The following TRHDE variants were observed in gnomAD, a reference collection of about 807,000 sequenced individuals.
TRHDE encodes the protein thyrotropin releasing hormone degrading enzyme.
Under a neutral mutation model 125.7 loss-of-function variants are expected in TRHDE, and 72 were observed. The observed-to-expected ratio is 0.57, with a 90% CI of 0.47 to 0.70. TRHDE has a LOEUF of 0.70. Ranked by LOEUF, TRHDE falls within the 30% of genes least tolerant of loss-of-function variation. The pLI is 0.00. For synonymous variants in TRHDE, 509 were observed against 509.1 expected (o/e 1.00, Z 0.00); for missense variants, 1,110 against 1,327.1 (o/e 0.84, Z 2.54).
chr12:72,360,029 A>T (rs1870997029), intron 2 of TRHDE, among the ~76,000 whole-genome samples: 1 of 151,690 alleles, frequency 6.6e-6, no homozygotes, highest in African/African-American at 2.4e-5. Context: ...AATAGTACGG[A>T]GACAATTGAT....
chr12:72,442,432 G>C (rs1307060992), intron 3 of TRHDE, among the ~76,000 whole-genome samples: 1 of 151,762 alleles, frequency 6.6e-6, no homozygotes, highest in Non-Finnish European at 1.5e-5. Context: ...CTCATCCCCA[G>C]CAGTCCTTTG....
chr12:72,377,574 GA>G (rs901941323), intron 2 of TRHDE, among the ~76,000 whole-genome samples: 10 of 152,078 alleles, frequency 6.6e-5, no homozygotes, highest in African/African-American at 2.4e-4. Context: ...TAATACTTCG[GA>G]AGCTTGATAC....
At position 72,473,297 on chromosome 12, in the gene TRHDE, A is replaced by G. The variant is rs1189414729; in HGVS notation, c.1584+117A>G. 11 of 692,070 alleles carry G rather than the reference A, an allele frequency of 1.6e-5. No homozygotes were observed. In the East Asian group the frequency reaches 1.6e-4, roughly 10 times the overall value. The allele number at this position is 692,070 out of a possible 1,614,324, so 42.9% of individuals were successfully genotyped here. The stretch of plus-strand genomic sequence containing the variant: ...CCAACTGATGCATGAAAATGTATCA[A>G]TAAAGTGTAACCAAAAATTGAAATG... On this transcript the variant is annotated intron_variant, in intron 5 of 18. Transcript: ENST00000261180.
At chr12:72,139,001 T>G (rs553504232) in intron 2 of TRHDE, among the ~76,000 whole-genome samples, 2 of 152,338 alleles carry the variant, frequency 1.3e-5, no homozygotes, top group South Asian at 4.1e-4. Context: ...AACCAAATGA[T>G]GAGCAGTAGA....
chr12:72,166,866 A>G lies in TRHDE; in HGVS notation n.279+61114A>G, dbSNP rs117805640. Among the ~76,000 whole-genome samples the G allele has an allele frequency of 6.8e-4, 103 of 151,218 alleles. 1 individual carries two copies. In the East Asian group the frequency reaches 0.017, roughly 24 times the overall value. Reference sequence around the variant, plus strand: ...CAGAACATACAGTGATAAATCTAATAGTCTATTTTGCCTAGAATGGAAGAA... The same window carrying G: ...CAGAACATACAGTGATAAATCTAATGGTCTATTTTGCCTAGAATGGAAGAA... On this transcript the variant is annotated intron_variant and non_coding_transcript_variant, in intron 2 of 4. Coordinates refer to the TRHDE transcript ENST00000548156.
At chr12:72,098,070 A>G (rs79800421) in intron 1 of TRHDE, among the ~76,000 whole-genome samples, 6 of 151,866 alleles carry the variant, frequency 4.0e-5, no homozygotes, top group African/African-American at 1.5e-4. Flanking sequence ...TTTTATAGAG[A>G]TGAAGTCTCA....
intron 1 of TRHDE, chr12:72,274,819 C>T (rs1366628040): frequency 6.6e-6 from 1 of 152,196 alleles, no homozygotes; most frequent in African/African-American, 2.4e-5. Flanking sequence ...AAAGTACTTA[C>T]CCCTGTGCCT....
upstream of TRHDE, chr12:72,272,011 G>A (rs1405472269): frequency 6.6e-6 from 3 of 456,742 alleles, no homozygotes; most frequent in Non-Finnish European, 1.3e-5. This position sits in a 1 kb window ranked among gnomAD's most constrained non-coding sequence, Gnocchi z 6.7. Flanking sequence ...TCGCGGCCCT[G>A]GGACTTCCTC....
At chr12:72,389,235 T>C (rs976930716) in intron 3 of TRHDE, among the ~76,000 whole-genome samples, 3 of 152,104 alleles carry the variant, frequency 2.0e-5, no homozygotes, top group African/African-American at 7.2e-5. Context: ...AGTCAAAATC[T>C]GAAAGAGTAC....
At position 72,592,741 on chromosome 12, in the gene TRHDE, A is replaced by G. The variant is rs182708259; in HGVS notation, c.2321+17199A>G. Reference sequence around the variant, plus strand: ...TTTTTCTTCTTTGAGATGAAGTCTCACTCTTGCTACTCAGGCTGAAGTGCA... The same window carrying G: ...TTTTTCTTCTTTGAGATGAAGTCTCGCTCTTGCTACTCAGGCTGAAGTGCA... On this transcript the variant is annotated intron_variant, in intron 12 of 18. Coordinates refer to ENST00000261180, the MANE Select transcript of TRHDE (RefSeq NM_013381.3). 1.6e-3 allele frequency among the ~76,000 whole-genome samples: 239 copies of G among 145,260 alleles called. 1 individual carries two copies. Among genetic ancestry groups the G allele is most frequent in the Middle Eastern group, 7.2e-3 (2 of 276 alleles).
Position 72,588,471 on chromosome 12 carries a change from T to C in TRHDE, c.2321+12929T>C, listed in dbSNP as rs1182724692. ...TAAGTAAGGAGCATTGCAGGCTGAA[T>C]GTGTTTAGGCAGGAAAAGGACATTG... On this transcript the variant is annotated intron_variant, in intron 12 of 18. Transcript: ENST00000261180. Among the ~76,000 whole-genome samples, 8 of 152,234 alleles carry C rather than the reference T, an allele frequency of 5.3e-5. No individual in the cohort carries two copies. In the South Asian group the frequency reaches 1.0e-3, roughly 20 times the overall value.
At chr12:72,196,289 A>G (rs546333608) in intron 2 of TRHDE, among the ~76,000 whole-genome samples, 2 of 152,268 alleles carry the variant, frequency 1.3e-5, no homozygotes, top group East Asian at 3.9e-4. Context: ...TAGGAATAGC[A>G]TTGAACTTGT....
intron 2 of TRHDE, among the ~76,000 whole-genome samples, chr12:72,245,675 A>ATTT (rs1273276646): frequency 7.4e-4 from 113 of 152,170 alleles, no homozygotes; most frequent in Non-Finnish European, 1.4e-3. Context: ...TTTAATTTTC[A>ATTT]AATTTATAAA....
chr12:72,649,189 C>T (rs1213934107), intron 15 of TRHDE, among the ~76,000 whole-genome samples: 1 of 151,354 alleles, frequency 6.6e-6, no homozygotes, highest in Non-Finnish European at 1.5e-5. Flanking sequence ...TAATAAAGAC[C>T]AACATATACA....
chr12:72,387,179 G>A (rs926090800), intron 3 of TRHDE, among the ~76,000 whole-genome samples: 3 of 152,004 alleles, frequency 2.0e-5, no homozygotes, highest in Non-Finnish European at 4.4e-5. Flanking sequence ...TATTAAATTG[G>A]CATGTTTAAA....
chr12:72,185,359 C>T lies in TRHDE; in HGVS notation n.279+79607C>T, dbSNP rs112652427. On this transcript the variant is annotated intron_variant and non_coding_transcript_variant, in intron 2 of 4. Coordinates refer to the TRHDE transcript ENST00000548156. ...CCATGGGCTCCTGTGCCGCCCTAGCCTCCCCGACGAGCACCACCCCCTGCT... is the reference window on the plus strand; with the variant it reads ...CCATGGGCTCCTGTGCCGCCCTAGCTTCCCCGACGAGCACCACCCCCTGCT... Among the ~76,000 whole-genome samples, 360 of 152,376 alleles carry T rather than the reference C, an allele frequency of 2.4e-3. 3 individuals are homozygous for T. Among genetic ancestry groups the T allele is most frequent in the African/African-American group, 8.1e-3 (335 of 41,592 alleles).
intron 2 of TRHDE, among the ~76,000 whole-genome samples, chr12:72,109,826 C>T (rs952457726): frequency 1.3e-5 from 2 of 152,048 alleles, no homozygotes; most frequent in Non-Finnish European, 1.5e-5. Context: ...TACTCATTGC[C>T]TGTGGCTGAG....
At chr12:72,178,737 A>G (rs756318575) in intron 2 of TRHDE, among the ~76,000 whole-genome samples, 5 of 152,106 alleles carry the variant, frequency 3.3e-5, no homozygotes, top group African/African-American at 7.2e-5. Context: ...TCTAATACAT[A>G]AGAAGAATAT....
chr12:72,309,503 G>T (rs900940395), intron 2 of TRHDE, among the ~76,000 whole-genome samples: 1 of 151,998 alleles, frequency 6.6e-6, no homozygotes, highest in Non-Finnish European at 1.5e-5. Flanking sequence ...TGGAAAGGAG[G>T]AAAAACAGCT....
Sources: gnomAD v4.1 joint callset for allele counts (sites outside exome capture counted in the v4.1 genomes callset) on GRCh38, gnomAD v4.1.1 for gene constraint, Gnocchi (gnomAD v3.1) non-coding constraint, MANE v1.5 for transcripts, NCBI Gene and HGNC (gene_info 2026-07-23, HGNC 2026-07-21) for gene names.